The following SAMD5 variants were observed in gnomAD, a reference collection of about 807,000 sequenced individuals.
SAMD5 encodes the protein sterile alpha motif domain containing 5, also known as sterile alpha motif domain-containing protein 5.
Under a neutral mutation model 11.3 loss-of-function variants are expected in SAMD5, and 13 were observed. The observed-to-expected ratio is 1.15, with a 90% CI of 0.75 to 1.83. SAMD5 has a LOEUF of 1.83. Ranked by LOEUF, SAMD5 falls within the 40% of genes most tolerant of loss-of-function variation. SAMD5 has a pLI of 0.00. For synonymous variants in SAMD5, 129 were observed against 111.3 expected, an observed-to-expected ratio of 1.16 and a Z score of -1.00; for missense variants, 255 against 239.1, an observed-to-expected ratio of 1.07 and a Z score of -0.44.
the SAMD5 span, among the ~76,000 whole-genome samples, chr6:147,924,310 G>T: frequency 6.6e-6 from 1 of 152,104 alleles, no homozygotes; most frequent in South Asian, 2.1e-4. Flanking sequence ...CAGTGTAAGA[G>T]AATCTACAAT....
the SAMD5 span, among the ~76,000 whole-genome samples, chr6:147,909,622 T>TCTCTC: frequency 1.6e-4 from 11 of 69,752 alleles, no homozygotes; most frequent in South Asian, 5.8e-4. Flanking sequence ...CTTTCTTTCT[T>TCTCTC]TCTTTCTTTC....
the SAMD5 span, among the ~76,000 whole-genome samples, chr6:147,905,988 A>G: frequency 2.8e-4 from 43 of 152,318 alleles, no homozygotes; most frequent in Non-Finnish European, 7.4e-5. Context: ...CACCTGGTCC[A>G]CAGCGAGATC....
At chr6:147,594,272 C>T (rs1583099264) in intron 1 of SAMD5, among the ~76,000 whole-genome samples, 2 of 152,186 alleles carry the variant, frequency 1.3e-5, no homozygotes, top group Admixed American at 6.5e-5. Flanking sequence ...GCTCATCTCT[C>T]GCTCATTTGC....
chr6:147,764,657 A>G, the SAMD5 span, among the ~76,000 whole-genome samples: 4 of 152,180 alleles, frequency 2.6e-5, no homozygotes, highest in East Asian at 7.7e-4. Flanking sequence ...AAATGTCCCA[A>G]ATACATCCCA....
the SAMD5 span, among the ~76,000 whole-genome samples, chr6:147,924,349 G>A: frequency 6.6e-6 from 1 of 152,104 alleles, no homozygotes; most frequent in Non-Finnish European, 1.5e-5. Flanking sequence ...CAATTCAACA[G>A]TAATGAGTAG....
intron 1 of SAMD5, among the ~76,000 whole-genome samples, chr6:147,525,753 G>A (rs542525227): frequency 1.3e-5 from 2 of 152,220 alleles, no homozygotes; most frequent in African/African-American, 4.8e-5. Flanking sequence ...GTCAGCATTA[G>A]GGAGGCACTG....
chr6:147,931,387 C>T, the SAMD5 span, among the ~76,000 whole-genome samples: 1 of 152,126 alleles, frequency 6.6e-6, no homozygotes. Context: ...ATATATCTTG[C>T]ATTTATATTA....
rs149982485 is a variant in SAMD5 at position 147,557,515 on chromosome 6, G to A, written c.460-6879G>A. Among the ~76,000 whole-genome samples the A allele has an allele frequency of 7.0e-3, 1,071 of 152,236 alleles. 12 individuals are homozygous for A. Among genetic ancestry groups the A allele is most frequent in the South Asian group, 0.038 (182 of 4,818 alleles). On this transcript the variant is annotated intron_variant, in intron 1 of 1. Transcript: ENST00000367474. ...TGGCTTCTGGCATTCCTTGGCTTGT[G>A]GCTGCACCACTCCACTCTCTGCTTC...
the SAMD5 span, among the ~76,000 whole-genome samples, chr6:147,835,113 A>G: frequency 2.1e-4 from 32 of 152,058 alleles, no homozygotes; most frequent in South Asian, 6.2e-3. Context: ...GTTGCCTGTA[A>G]TCACAGCTAC....
the SAMD5 span, among the ~76,000 whole-genome samples, chr6:147,939,841 T>A: frequency 6.6e-6 from 1 of 152,078 alleles, no homozygotes; most frequent in Non-Finnish European, 1.5e-5. Context: ...TAGCCTTGCC[T>A]TGTTTCAAAT....
At chr6:147,707,854 T>C (rs1791345526) in intron 1 of SAMD5, among the ~76,000 whole-genome samples, 1 of 152,148 alleles carries the variant, frequency 6.6e-6, no homozygotes, top group Non-Finnish European at 1.5e-5. Context: ...ATACCACTGA[T>C]GAGGCTGGGG....
chr6:147,827,264 G>A, the SAMD5 span, among the ~76,000 whole-genome samples: 18 of 151,886 alleles, frequency 1.2e-4, no homozygotes, highest in East Asian at 1.7e-3. Context: ...AGGATGGTGC[G>A]AAAAACTTGT....
At chr6:147,673,695 A>T (rs1280532446) in intron 1 of SAMD5, among the ~76,000 whole-genome samples, 1 of 152,166 alleles carries the variant, frequency 6.6e-6, no homozygotes, top group Non-Finnish European at 1.5e-5. Flanking sequence ...TATCAAATCC[A>T]TGAAAAATAT....
At chr6:147,672,739 T>C (rs62436325) in intron 1 of SAMD5, among the ~76,000 whole-genome samples, 179 of 152,296 alleles carry the variant, frequency 1.2e-3, no homozygotes, top group Non-Finnish European at 2.0e-3. Context: ...CTAAATGTTC[T>C]GATTATACTG....
chr6:147,811,862 G>T, the SAMD5 span, among the ~76,000 whole-genome samples: 3 of 152,196 alleles, frequency 2.0e-5, no homozygotes, highest in African/African-American at 7.2e-5. Flanking sequence ...GATGCCATCT[G>T]TTTGGGGCAT....
chr6:147,839,287 C>G, the SAMD5 span, among the ~76,000 whole-genome samples: 70 of 152,306 alleles, frequency 4.6e-4, 1 homozygote, highest in East Asian at 0.011. Context: ...GATTATATGT[C>G]AAAGGATTCC....
chr6:147,894,428 C>T, the SAMD5 span, among the ~76,000 whole-genome samples: 1 of 152,008 alleles, frequency 6.6e-6, no homozygotes, highest in African/African-American at 2.4e-5. Flanking sequence ...AGCCTAATGC[C>T]ACATTTTTGA....
At chr6:147,512,637 A>G (rs931463654) in intron 1 of SAMD5, among the ~76,000 whole-genome samples, 63 of 152,342 alleles carry the variant, frequency 4.1e-4, no homozygotes, top group African/African-American at 1.5e-3. Flanking sequence ...TAAATCAAAC[A>G]TCATTGGAAG....
the SAMD5 span, among the ~76,000 whole-genome samples, chr6:147,889,168 T>C: frequency 1.3e-5 from 2 of 152,212 alleles, no homozygotes; most frequent in African/African-American, 2.4e-5. Context: ...TGTTCATTGT[T>C]TTCAGTTATT....
Sources: allele counts gnomAD v4.1 joint callset (sites outside exome capture counted in the v4.1 genomes callset), GRCh38; gene constraint gnomAD v4.1.1; transcripts MANE v1.5; gene names NCBI Gene and HGNC (gene_info 2026-07-23, HGNC 2026-07-21).